Variants in CSMD1 observed in about 807,000 individuals in gnomAD.
The protein encoded by CSMD1 is CUB and Sushi multiple domains 1.
CSMD1 carries 213 observed loss-of-function variants against 417.5 expected under a neutral mutation model. That is an observed-to-expected ratio of 0.51 (90% CI 0.46 to 0.57). The LOEUF (loss-of-function observed/expected upper bound fraction) is 0.57, where lower values mean the gene tolerates loss of function less well. Among genes scored for constraint, CSMD1 ranks in the 20% least tolerant of loss-of-function variants. The pLI is 0.00. For synonymous variants in CSMD1, 2,862 were observed against 1,736.8 expected, an observed-to-expected ratio of 1.65 and a Z score of -16.11; for missense variants, 6,923 against 4,529.7, an observed-to-expected ratio of 1.53 and a Z score of -15.17.
intron 7 of CSMD1, among the ~76,000 whole-genome samples, chr8:3,696,137 T>G (rs1253847130): frequency 6.6e-6 from 1 of 152,220 alleles, no homozygotes; most frequent in Admixed American, 6.5e-5. Context: ...GCCATGGTTT[T>G]CCCAGATACA....
intron 1 of CSMD1, among the ~76,000 whole-genome samples, chr8:4,968,925 A>C (rs1367017763): frequency 4.6e-5 from 7 of 152,112 alleles, no homozygotes; most frequent in Admixed American, 2.6e-4. Context: ...GCTCAGCCCA[A>C]ACATTTTGTC....
At chr8:3,623,164 A>C (rs558648814) in intron 7 of CSMD1, among the ~76,000 whole-genome samples, 47 of 152,332 alleles carry the variant, frequency 3.1e-4, no homozygotes, top group Middle Eastern at 3.4e-3. Context: ...AGTTTAAATG[A>C]ATTTGATTTT....
rs1007550635 is a variant in CSMD1, at chr8:4,314,378, G to C, written c.415+105575C>G. Among the ~76,000 whole-genome samples, 3 of 152,288 alleles carry C rather than the reference G, an allele frequency of 2.0e-5. No homozygotes were observed. In the South Asian group the frequency reaches 6.2e-4, roughly 32 times the overall value. On this transcript the variant is annotated intron_variant, in intron 3 of 69. Transcript: ENST00000635120. ...GAACATTTCCTACATATTTCTGTCA[G>C]GGCCAGAGTTCACAGGCAAACTAAC...
chr8:3,974,138 G>A (rs1440952390), intron 5 of CSMD1, among the ~76,000 whole-genome samples: 1 of 151,992 alleles, frequency 6.6e-6, no homozygotes, highest in African/African-American at 2.4e-5. Flanking sequence ...AGTTTTGTGT[G>A]TGTGTGTCTA....
At chr8:3,724,137 C>T (rs1465494423) in intron 6 of CSMD1, among the ~76,000 whole-genome samples, 3 of 51,616 alleles carry the variant, frequency 5.8e-5, no homozygotes, top group Admixed American at 5.6e-4. Context: ...GCCTCTTTCA[C>T]CATGCCAGAC....
chr8:3,773,428 A>C (rs1234459910), intron 5 of CSMD1, among the ~76,000 whole-genome samples: 1 of 152,096 alleles, frequency 6.6e-6, no homozygotes, highest in Non-Finnish European at 1.5e-5. Flanking sequence ...CTGGGACGAC[A>C]GTCATGCACC....
chr8:3,549,365 TAGAC>T (rs1207522766), intron 10 of CSMD1, among the ~76,000 whole-genome samples: 1 of 152,206 alleles, frequency 6.6e-6, no homozygotes, highest in African/African-American at 2.4e-5. Flanking sequence ...TGGTCTCAGA[TAGAC>T]AGATCTAGGC....
intron 5 of CSMD1, among the ~76,000 whole-genome samples, chr8:3,994,353 A>G (rs1170516611): frequency 1.3e-5 from 2 of 151,512 alleles, no homozygotes; most frequent in African/African-American, 2.4e-5. Flanking sequence ...TAATTTAGAA[A>G]CCATAGAGGG....
intron 3 of CSMD1, among the ~76,000 whole-genome samples, chr8:4,150,277 G>A (rs1402703823): frequency 6.6e-6 from 1 of 152,164 alleles, no homozygotes; most frequent in Non-Finnish European, 1.5e-5. Flanking sequence ...TTCCCCAGAT[G>A]TAGAAGTCTC....
chr8:3,635,381 G>A (rs994718162), intron 7 of CSMD1, among the ~76,000 whole-genome samples: 3 of 152,046 alleles, frequency 2.0e-5, no homozygotes, highest in Non-Finnish European at 4.4e-5. Flanking sequence ...GGCTGAGGCA[G>A]GAGAATCACT....
chr8:3,574,297 G>C (rs549081594), intron 10 of CSMD1, among the ~76,000 whole-genome samples: 66 of 152,356 alleles, frequency 4.3e-4, no homozygotes, highest in Admixed American at 8.5e-4. Context: ...CTGGAGTGCA[G>C]TGGCACGATC....
rs187917090 is a variant in CSMD1, at chr8:4,169,093, A to C, written c.416-136994T>G. On this transcript the variant is annotated intron_variant, in intron 3 of 69. Coordinates refer to ENST00000635120, the MANE Select transcript of CSMD1 (RefSeq NM_033225.6). The stretch of plus-strand genomic sequence containing the variant: ...TCCCTACCTGTAAGCCTGCTGGCTT[A>C]GTCCTTGAACCTCTTTTCTCATCCC... Among the ~76,000 whole-genome samples the C allele has an allele frequency of 1.1e-3, 166 of 152,284 alleles. 2 individuals are homozygous for C. The highest frequency in any genetic ancestry group is 3.9e-3 in the African/African-American group (160 of 41,538).
intron 3 of CSMD1, among the ~76,000 whole-genome samples, chr8:4,185,801 A>G (rs1006656675): frequency 1.3e-5 from 2 of 152,200 alleles, no homozygotes; most frequent in Non-Finnish European, 2.9e-5. Context: ...TGAGTGGCAG[A>G]CCCAGTGCCA....
At chr8:3,957,840 T>C (rs528716367) in intron 5 of CSMD1, among the ~76,000 whole-genome samples, 2 of 152,320 alleles carry the variant, frequency 1.3e-5, no homozygotes, top group South Asian at 4.1e-4. Context: ...AATCACAAAT[T>C]ATGTAGCCCA....
At chr8:3,731,546 G>T (rs1796262040) in intron 6 of CSMD1, among the ~76,000 whole-genome samples, 1 of 152,122 alleles carries the variant, frequency 6.6e-6, no homozygotes, top group South Asian at 2.1e-4. Context: ...TGGCTGGGGT[G>T]ATTTGATTCC....
intron 3 of CSMD1, among the ~76,000 whole-genome samples, chr8:4,035,803 T>C (rs900674298): frequency 6.6e-6 from 1 of 151,982 alleles, no homozygotes; most frequent in African/African-American, 2.4e-5. Context: ...AAAAGAAAAA[T>C]GTGTTTTTAT....
intron 12 of CSMD1, among the ~76,000 whole-genome samples, chr8:3,426,007 A>G (rs892788956): frequency 7.9e-5 from 12 of 152,204 alleles, no homozygotes; most frequent in Non-Finnish European, 1.6e-4. Context: ...GTCTATGTAG[A>G]ATCAGAAAGA....
chr8:3,172,093 G>C (rs977547689), intron 37 of CSMD1, among the ~76,000 whole-genome samples: 2 of 152,182 alleles, frequency 1.3e-5, no homozygotes, highest in Non-Finnish European at 2.9e-5. Context: ...GCCTGTCTCA[G>C]AACCATGTAA....
At chr8:3,822,883 G>A (rs1216749721) in intron 5 of CSMD1, among the ~76,000 whole-genome samples, 2 of 152,092 alleles carry the variant, frequency 1.3e-5, no homozygotes, top group African/African-American at 4.8e-5. Context: ...GTGTCTAAAT[G>A]AGAACCAGAG....
Sources: allele counts gnomAD v4.1 joint callset (sites outside exome capture counted in the v4.1 genomes callset), GRCh38; gene constraint gnomAD v4.1.1; transcripts MANE v1.5; gene names NCBI Gene and HGNC (gene_info 2026-07-23, HGNC 2026-07-21).